The following EXOC6 variants were observed in gnomAD, a reference collection of about 807,000 sequenced individuals.
The protein encoded by EXOC6 is SEC15-like 1.
A neutral mutation model predicts 112.5 loss-of-function variants in EXOC6; 60 were observed. The observed-to-expected ratio is 0.53, with a 90% CI of 0.43 to 0.66. The LOEUF (loss-of-function observed/expected upper bound fraction) is 0.66. Ranked by LOEUF, EXOC6 falls within the 30% of genes least tolerant of loss-of-function variation. The pLI, the probability that EXOC6 is intolerant of heterozygous loss-of-function variation, is 0.00. For synonymous variants in EXOC6, 295 were observed against 308.0 expected, an observed-to-expected ratio of 0.96 and a Z score of 0.44; for missense variants, 855 against 957.1, an observed-to-expected ratio of 0.89 and a Z score of 1.41.
At chr10:92,898,199 A>G (rs1044229880) in intron 4 of EXOC6, among the ~76,000 whole-genome samples, 1 of 151,790 alleles carries the variant, frequency 6.6e-6, no homozygotes, top group Admixed American at 6.6e-5. Context: ...TGGGAGGATC[A>G]TTTGAGGCCA....
chr10:92,903,508 G>T (rs1287222074), intron 5 of EXOC6, among the ~76,000 whole-genome samples: 1 of 151,756 alleles, frequency 6.6e-6, no homozygotes, highest in Non-Finnish European at 1.5e-5. Flanking sequence ...AATTTCAGTG[G>T]CAAGAAAACC....
intron 6 of EXOC6, among the ~76,000 whole-genome samples, chr10:92,914,825 A>G (rs192957883): frequency 9.2e-5 from 14 of 152,336 alleles, no homozygotes; most frequent in Non-Finnish European, 1.9e-4. Context: ...TAACAGAACA[A>G]AATAGCAACA....
Position 92,858,034 on chromosome 10 carries a change from C to T in EXOC6, c.101+9400C>T, listed in dbSNP as rs953909793. On this transcript the variant is annotated intron_variant, in intron 1 of 21. Coordinates refer to ENST00000260762, the MANE Select transcript of EXOC6 (RefSeq NM_019053.6). The stretch of plus-strand genomic sequence containing the variant: ...TTAGTTGACGGGTTCCCCCCCTCCG[C>T]CGGCCAGCAGTTTGAATATGTCTTT... Among the ~76,000 whole-genome samples the T allele has an allele frequency of 2.6e-4, 37 of 144,934 alleles. 3 individuals carry two copies. The highest frequency in any genetic ancestry group is 3.0e-4 in the Non-Finnish European group (20 of 66,898).
intron 19 of EXOC6, 39 bp from the exon 20 acceptor site, chr10:93,014,155 G>C: frequency 6.7e-7 from 1 of 1,481,844 alleles, no homozygotes; most frequent in East Asian, 2.3e-5. Context: ...TATATTTTGT[G>C]ATCTCATTTT....
chr10:92,983,673 AT>A (rs1236287274), intron 18 of EXOC6, among the ~76,000 whole-genome samples: 5 of 151,480 alleles, frequency 3.3e-5, no homozygotes, highest in African/African-American at 1.2e-4. Flanking sequence ...CGCCCTACTA[AT>A]TTTTGTAGTT....
chr10:93,043,673 A>G (rs763641683), intron 20 of EXOC6, among the ~76,000 whole-genome samples: 44 of 152,228 alleles, frequency 2.9e-4, no homozygotes, highest in Non-Finnish European at 5.9e-4. Flanking sequence ...TAGGTTATCC[A>G]GAGGTCAGGT....
intron 1 of EXOC6, among the ~76,000 whole-genome samples, chr10:92,869,055 A>G (rs377291255): frequency 3.3e-5 from 5 of 152,106 alleles, no homozygotes; most frequent in African/African-American, 9.6e-5. Flanking sequence ...CACTTTATTT[A>G]GTGTTTTTAA....
intron 17 of EXOC6, among the ~76,000 whole-genome samples, chr10:92,958,000 G>C (rs1853785119): frequency 6.6e-6 from 1 of 152,070 alleles, no homozygotes. Flanking sequence ...ACAAGTACTT[G>C]ATACCTATAC....
chr10:93,011,895 C>G (rs923015536), intron 19 of EXOC6, among the ~76,000 whole-genome samples: 1 of 152,100 alleles, frequency 6.6e-6, no homozygotes, highest in Non-Finnish European at 1.5e-5. Context: ...CACTTATTGT[C>G]TAACAAGACA....
At chr10:93,002,934 C>T (rs1470605439) in intron 19 of EXOC6, among the ~76,000 whole-genome samples, 1 of 152,082 alleles carries the variant, frequency 6.6e-6, no homozygotes, top group East Asian at 1.9e-4. Context: ...AACATAAAAT[C>T]CTGCTAGTCT....
At chr10:92,932,676 A>G (rs975004762) in intron 9 of EXOC6, among the ~76,000 whole-genome samples, 1 of 152,158 alleles carries the variant, frequency 6.6e-6, no homozygotes, top group Admixed American at 6.5e-5. Flanking sequence ...AGGAGATCCT[A>G]AGGATATGCT....
chr10:92,980,923 A>T (rs1842803747), intron 18 of EXOC6, among the ~76,000 whole-genome samples: 1 of 152,100 alleles, frequency 6.6e-6, no homozygotes. Context: ...GCTACTCGGG[A>T]GGCTGAGGCA....
chr10:93,039,022 C>A (rs1317400155), intron 20 of EXOC6, among the ~76,000 whole-genome samples: 1 of 151,680 alleles, frequency 6.6e-6, no homozygotes, highest in South Asian at 2.1e-4. Context: ...TATATATATA[C>A]CATCTATTAA....
At chr10:92,831,409 TTC>T, upstream of EXOC6, 3 of 1,029,334 alleles carry the variant, frequency 2.9e-6, no homozygotes, top group Non-Finnish European at 4.0e-6. Context: ...GAGTATAGTA[TTC>T]TTCTATACTA....
intron 19 of EXOC6, among the ~76,000 whole-genome samples, chr10:93,007,114 A>T (rs549421812): frequency 2.0e-5 from 3 of 152,134 alleles, no homozygotes; most frequent in African/African-American, 7.2e-5. Context: ...AAGATTTTTC[A>T]AGGACTTCTG....
chr10:92,999,657 C>T lies in EXOC6; in HGVS notation c.2095+2042C>T, dbSNP rs971504978. Among the ~76,000 whole-genome samples the T allele has an allele frequency of 6.6e-5, 10 of 151,724 alleles. No individual in the cohort carries two copies. In the East Asian group the frequency reaches 1.7e-3, roughly 26 times the overall value. The stretch of plus-strand genomic sequence containing the variant: ...CATAACTTTCATTACAGTATATTGT[C>T]GTATGTCCTCTATTTTATTATTTTT... On this transcript the variant is annotated intron_variant, in intron 19 of 21. Coordinates refer to ENST00000260762, the MANE Select transcript of EXOC6 (RefSeq NM_019053.6).
chr10:93,010,256 T>A (rs1844178957), intron 19 of EXOC6, among the ~76,000 whole-genome samples: 1 of 152,206 alleles, frequency 6.6e-6, no homozygotes, highest in Non-Finnish European at 1.5e-5. Context: ...GAATTTCACT[T>A]CCATATTGAT....
chr10:92,830,930 C>T (rs1465050800), upstream of EXOC6, among the ~76,000 whole-genome samples: 1 of 152,162 alleles, frequency 6.6e-6, no homozygotes, highest in Non-Finnish European at 1.5e-5. Flanking sequence ...TCCACTTCCT[C>T]CTTTTCTTTT....
In EXOC6 at chr10:93,034,095, G is replaced by A. The variant is rs910240682; in HGVS notation, c.2169+19828G>A. 2.0e-5 allele frequency among the ~76,000 whole-genome samples: 3 copies of A among 152,176 alleles called. No individual in the cohort carries two copies. The South Asian group carries it at 6.2e-4, about 32-fold the overall frequency. ...AACAATGGTTTAATGAAATCTGTGA[G>A]GGAAAATGTTGTAGAGTTTACTTCT... On this transcript the variant is annotated intron_variant, in intron 20 of 21. Coordinates refer to ENST00000260762, the MANE Select transcript of EXOC6 (RefSeq NM_019053.6).
Sources: gnomAD v4.1 joint callset for allele counts (sites outside exome capture counted in the v4.1 genomes callset) on GRCh38, gnomAD v4.1.1 for gene constraint, MANE v1.5 for transcripts, NCBI Gene and HGNC (gene_info 2026-07-23, HGNC 2026-07-21) for gene names.